The following ROBO1 variants were observed in gnomAD, a reference collection of about 807,000 sequenced individuals.
ROBO1 encodes the protein roundabout guidance receptor 1.
A neutral mutation model predicts 195.9 loss-of-function variants in ROBO1; 149 were observed. The observed-to-expected ratio is 0.76, with a 90% CI of 0.67 to 0.87. The LOEUF (loss-of-function observed/expected upper bound fraction) is 0.87. Ranked by LOEUF, ROBO1 falls within the 40% of genes least tolerant of loss-of-function variation. The pLI, the probability that ROBO1 is intolerant of heterozygous loss-of-function variation, is 0.00. For synonymous variants in ROBO1, 816 were observed against 733.2 expected (o/e 1.11, Z -1.82); for missense variants, 1,933 against 2,068.3 (o/e 0.93, Z 1.27).
intron 2 of ROBO1, among the ~76,000 whole-genome samples, chr3:79,202,300 A>G (rs79287444): frequency 0.023 from 3,527 of 152,160 alleles, 136 homozygotes; most frequent in African/African-American, 0.079. Context: ...AGTGACCTAG[A>G]TGATACTTAA....
chr3:79,223,823 G>A (rs912509820), intron 2 of ROBO1, among the ~76,000 whole-genome samples: 10 of 151,984 alleles, frequency 6.6e-5, no homozygotes, highest in South Asian at 2.1e-4. Context: ...AATGTCAGTC[G>A]GTCTTACGTA....
intron 2 of ROBO1, among the ~76,000 whole-genome samples, chr3:79,256,516 C>T (rs1043835432): frequency 1.3e-5 from 2 of 152,064 alleles, no homozygotes; most frequent in Non-Finnish European, 1.5e-5. Context: ...ATGTCAATAA[C>T]ATTTTGTCAA....
intron 18 of ROBO1, among the ~76,000 whole-genome samples, chr3:78,652,975 A>G (rs1484988782): frequency 3.3e-5 from 5 of 151,918 alleles, no homozygotes; most frequent in African/African-American, 1.2e-4. Context: ...CAGAATTCCC[A>G]CCTCTGTCTG....
intron 3 of ROBO1, among the ~76,000 whole-genome samples, chr3:79,066,672 T>G (rs1270358662): frequency 6.6e-6 from 1 of 151,958 alleles, no homozygotes. Flanking sequence ...CCGCTTACCA[T>G]TCTTTCTCTC....
intron 2 of ROBO1, among the ~76,000 whole-genome samples, chr3:79,570,300 AC>A (rs1560002380): frequency 1.3e-5 from 2 of 151,578 alleles, no homozygotes; most frequent in East Asian, 3.9e-4. Flanking sequence ...AAAAAAAAAA[AC>A]TGTTTTCTAA....
intron 2 of ROBO1, among the ~76,000 whole-genome samples, chr3:79,129,675 T>C (rs1294806227): frequency 6.6e-6 from 1 of 152,202 alleles, no homozygotes; most frequent in African/African-American, 2.4e-5. Context: ...TTTTGAAATA[T>C]GTATGCATAC....
chr3:78,744,247 G>A (rs1283226381), intron 5 of ROBO1, among the ~76,000 whole-genome samples: 1 of 152,108 alleles, frequency 6.6e-6, no homozygotes, highest in Non-Finnish European at 1.5e-5. Flanking sequence ...CAGTCTGTTA[G>A]CAAATTCTGT....
intron 4 of ROBO1, among the ~76,000 whole-genome samples, chr3:78,824,298 C>T (rs934697027): frequency 6.6e-6 from 1 of 152,096 alleles, no homozygotes; most frequent in Non-Finnish European, 1.5e-5. Flanking sequence ...GCAAAAACCA[C>T]GACTACTTTT....
chr3:79,139,693 T>C (rs1277941571), intron 2 of ROBO1, among the ~76,000 whole-genome samples: 1 of 152,190 alleles, frequency 6.6e-6, no homozygotes, highest in East Asian at 1.9e-4. Context: ...CCTTGAACTT[T>C]ATCTGTGAGA....
In ROBO1 at chr3:78,639,793, C is replaced by A. The variant is rs756175842; in HGVS notation, c.2988G>T (p.Thr996=). The change falls in exon 22 of 31, where the codon ACG becomes ACT. Residue 996 remains threonine (T), a synonymous_variant. Transcript: ENST00000464233. The part of the protein sequence containing the change: ...NHNDCSISCC[T]AGNGNSDSNL... Reference sequence around the variant, plus strand: ...TGCTGTCGCTGTTTCCATTGCCTGCCGTGCAGCAGCTGATGGAGCAGTCAT... The same window carrying A: ...TGCTGTCGCTGTTTCCATTGCCTGCAGTGCAGCAGCTGATGGAGCAGTCAT... 3.7e-6 allele frequency: 6 copies of A among 1,613,376 alleles called. No individual in the cohort carries two copies. The highest frequency in any genetic ancestry group is 5.1e-6 in the Non-Finnish European group (6 of 1,179,528).
intron 3 of ROBO1, among the ~76,000 whole-genome samples, chr3:79,006,293 G>GTAATAATT (rs2077619145): frequency 1.3e-5 from 2 of 152,092 alleles, no homozygotes; most frequent in Non-Finnish European, 2.9e-5. Flanking sequence ...GGTTAAGTAA[G>GTAATAATT]CCATTATGTA....
chr3:79,252,140 C>T (rs548351716), intron 2 of ROBO1, among the ~76,000 whole-genome samples: 5 of 152,020 alleles, frequency 3.3e-5, no homozygotes, highest in Non-Finnish European at 4.4e-5. Flanking sequence ...TTGCTTAACA[C>T]GTATTTTATT....
chr3:79,199,582 A>G (rs1248243472), intron 2 of ROBO1, among the ~76,000 whole-genome samples: 1 of 149,882 alleles, frequency 6.7e-6, no homozygotes, highest in Admixed American at 6.6e-5. Context: ...CAAGGGTTAC[A>G]TAACTTTAAA....
intron 5 of ROBO1, among the ~76,000 whole-genome samples, chr3:78,728,999 A>G (rs575924951): frequency 1.4e-4 from 22 of 152,356 alleles, no homozygotes; most frequent in African/African-American, 5.3e-4. Context: ...CTTATGCAGA[A>G]AAAGCAATTA....
intron 2 of ROBO1, among the ~76,000 whole-genome samples, chr3:79,449,765 A>G (rs970060568): frequency 7.2e-5 from 11 of 152,326 alleles, no homozygotes; most frequent in African/African-American, 2.6e-4. Context: ...GGTTTTAAAA[A>G]AGGAAAGTTT....
chr3:78,768,432 A>G (rs556892122), intron 4 of ROBO1, among the ~76,000 whole-genome samples: 5 of 152,106 alleles, frequency 3.3e-5, no homozygotes, highest in African/African-American at 1.2e-4. Flanking sequence ...CTCATTATAG[A>G]TGGGTTGTAA....
At chr3:79,346,823 A>G (rs910107569) in intron 2 of ROBO1, among the ~76,000 whole-genome samples, 4 of 151,826 alleles carry the variant, frequency 2.6e-5, no homozygotes, top group Non-Finnish European at 5.9e-5. Context: ...CTAGGATAAT[A>G]AGCATATAGA....
intron 2 of ROBO1, among the ~76,000 whole-genome samples, chr3:79,303,634 A>T (rs2109069320): frequency 6.6e-6 from 1 of 152,266 alleles, no homozygotes; most frequent in African/African-American, 2.4e-5. Flanking sequence ...AATAAAGAAC[A>T]TGTGGTATAT....
intron 1 of ROBO1, among the ~76,000 whole-genome samples, chr3:79,716,879 G>T (rs1702509720): frequency 6.6e-6 from 1 of 151,948 alleles, no homozygotes; most frequent in African/African-American, 2.4e-5. Flanking sequence ...AAAAAATCAG[G>T]TGTAAGGCAA....
Sources: gnomAD v4.1 joint callset for allele counts (sites outside exome capture counted in the v4.1 genomes callset) on GRCh38, gnomAD v4.1.1 for gene constraint, MANE v1.5 for transcripts, NCBI Gene and HGNC (gene_info 2026-07-23, HGNC 2026-07-21) for gene names.